Variants in PLXDC2 observed in about 807,000 individuals in gnomAD.
PLXDC2 encodes plexin domain-containing protein 2.
PLXDC2 carries 40 observed loss-of-function variants against 68.9 expected under a neutral mutation model. The observed-to-expected ratio is 0.58, with a 90% CI of 0.45 to 0.76. The LOEUF (loss-of-function observed/expected upper bound fraction) is 0.76, where lower values mean the gene tolerates loss of function less well. Ranked by LOEUF, PLXDC2 falls within the 30% of genes least tolerant of loss-of-function variation. The pLI, the probability that PLXDC2 is intolerant of heterozygous loss-of-function variation, is 0.00. For synonymous variants in PLXDC2, 243 were observed against 234.2 expected (o/e 1.04, Z -0.34); for missense variants, 644 against 661.9 (o/e 0.97, Z 0.30).
At chr10:19,877,376 C>T (rs1837651177) in intron 1 of PLXDC2, among the ~76,000 whole-genome samples, 1 of 152,148 alleles carries the variant, frequency 6.6e-6, no homozygotes, top group African/African-American at 2.4e-5. Context: ...TCTTCGCCCC[C>T]ATAACTCAGT....
intron 2 of PLXDC2, among the ~76,000 whole-genome samples, chr10:20,042,056 C>A (rs1835692800): frequency 1.3e-5 from 2 of 152,176 alleles, no homozygotes; most frequent in African/African-American, 4.8e-5. Flanking sequence ...TAACATTCAT[C>A]CCAGACATTT....
At chr10:19,860,160 T>A (rs1446148321) in intron 1 of PLXDC2, among the ~76,000 whole-genome samples, 1 of 152,162 alleles carries the variant, frequency 6.6e-6, no homozygotes, top group Admixed American at 6.5e-5. Flanking sequence ...CTCTCTTTTT[T>A]CCCCAAGGGG....
chr10:19,821,643 G>C (rs1049461345), intron 1 of PLXDC2, among the ~76,000 whole-genome samples: 1 of 152,186 alleles, frequency 6.6e-6, no homozygotes, highest in Admixed American at 6.5e-5. Flanking sequence ...AGTTCAAGCT[G>C]AATTATTAAT....
intron 4 of PLXDC2, among the ~76,000 whole-genome samples, chr10:20,118,693 A>G (rs1833654548): frequency 6.6e-6 from 1 of 152,228 alleles, no homozygotes; most frequent in Non-Finnish European, 1.5e-5. Context: ...CAGAAACTTC[A>G]GACAGGGAAG....
chr10:19,945,016 G>C (rs1833879163), intron 1 of PLXDC2, among the ~76,000 whole-genome samples: 1 of 152,194 alleles, frequency 6.6e-6, no homozygotes, highest in African/African-American at 2.4e-5. Flanking sequence ...CGTTTGCCTT[G>C]TTTGAAGCTG....
At chr10:20,227,060 A>G (rs1835296463) in intron 12 of PLXDC2, among the ~76,000 whole-genome samples, 1 of 152,162 alleles carries the variant, frequency 6.6e-6, no homozygotes, top group African/African-American at 2.4e-5. Flanking sequence ...TTATTGTAGT[A>G]GATGGCCCTA....
At chr10:20,014,431 T>TTTCCTTCC (rs1564657086) in intron 2 of PLXDC2, among the ~76,000 whole-genome samples, 4 of 90,416 alleles carry the variant, frequency 4.4e-5, no homozygotes, top group African/African-American at 1.6e-4. Context: ...TCCTTCCTTC[T>TTTCCTTCC]TTCCTTCCTT....
At chr10:19,909,447 G>T (rs1165184053) in intron 1 of PLXDC2, among the ~76,000 whole-genome samples, 3 of 152,178 alleles carry the variant, frequency 2.0e-5, no homozygotes, top group Non-Finnish European at 4.4e-5. Context: ...TTAAAAGCCA[G>T]CATATATTTC....
intron 9 of PLXDC2, among the ~76,000 whole-genome samples, chr10:20,199,353 A>G (rs2131846345): frequency 6.6e-6 from 1 of 152,168 alleles, no homozygotes; most frequent in South Asian, 2.1e-4. Context: ...GTAACAAAAA[A>G]GGCAAGGATG....
At chr10:19,923,308 GAAC>G (rs766622943) in intron 1 of PLXDC2, among the ~76,000 whole-genome samples, 7 of 152,078 alleles carry the variant, frequency 4.6e-5, no homozygotes, top group Admixed American at 1.3e-4. Flanking sequence ...CAAAAACAAA[GAAC>G]AACAACAAAA....
At chr10:20,043,977 A>G (rs1435482012) in intron 2 of PLXDC2, among the ~76,000 whole-genome samples, 1 of 152,060 alleles carries the variant, frequency 6.6e-6, no homozygotes, top group African/African-American at 2.4e-5. Context: ...CTTTTCGTTG[A>G]CCATAACCTA....
At chr10:19,859,380 C>T (rs1247012770) in intron 1 of PLXDC2, among the ~76,000 whole-genome samples, 1 of 152,210 alleles carries the variant, frequency 6.6e-6, no homozygotes, top group Admixed American at 6.5e-5. Context: ...GCTTTACATC[C>T]TTTCCTTGCT....
intron 1 of PLXDC2, among the ~76,000 whole-genome samples, chr10:19,884,600 A>G: frequency 6.6e-6 from 1 of 150,498 alleles, no homozygotes. Flanking sequence ...GAGAATATAC[A>G]GTGTTTGGTT....
intron 4 of PLXDC2, among the ~76,000 whole-genome samples, chr10:20,108,276 T>C (rs972704554): frequency 6.6e-6 from 1 of 152,148 alleles, no homozygotes; most frequent in Admixed American, 6.5e-5. Context: ...AAAAAAAGAT[T>C]GGATCCCTTC....
At position 20,288,364 on chromosome 10, in the gene PLXDC2, T is replaced by C. The variant is rs1266461392; in HGVS notation, c.*8545T>C. 2 of 152,044 alleles carry C rather than the reference T, an allele frequency of 1.3e-5. No individual in the cohort carries two copies. Among genetic ancestry groups the C allele is most frequent in the Non-Finnish European group, 2.9e-5 (2 of 68,030 alleles). The allele number at this position is 152,044 out of a possible 1,614,324, so 9.4% of individuals were successfully genotyped here. The stretch of plus-strand genomic sequence containing the variant: ...GGCATCATTCCTATTTCTTCTGCCA[T>C]GTCAAGGAGAAATTCCAAGCCTGCA... On this transcript the variant is annotated 3_prime_UTR_variant, in exon 14 of 14. Transcript: ENST00000377252.
At chr10:19,933,911 GAGAA>G (rs1227842815) in intron 1 of PLXDC2, among the ~76,000 whole-genome samples, 2 of 151,524 alleles carry the variant, frequency 1.3e-5, no homozygotes, top group Non-Finnish European at 2.9e-5. Flanking sequence ...AGAAAGGAAA[GAGAA>G]AGGAAGGAAG....
intron 6 of PLXDC2, among the ~76,000 whole-genome samples, chr10:20,158,662 C>T (rs1834250057): frequency 6.9e-6 from 1 of 144,606 alleles, no homozygotes; most frequent in African/African-American, 2.5e-5. Flanking sequence ...GACTCTGTCT[C>T]AAATAAATAA....
intron 4 of PLXDC2, among the ~76,000 whole-genome samples, chr10:20,125,958 TACA>T (rs1167701256): frequency 1.4e-5 from 2 of 146,390 alleles, no homozygotes; most frequent in African/African-American, 5.0e-5. Flanking sequence ...ATATAATATT[TACA>T]ATAATACATA....
intron 4 of PLXDC2, among the ~76,000 whole-genome samples, chr10:20,132,795 C>G (rs1346244438): frequency 6.6e-6 from 1 of 151,492 alleles, no homozygotes; most frequent in Non-Finnish European, 1.5e-5. Flanking sequence ...CATTCAACCA[C>G]TATATGTCTT....
Sources: allele counts gnomAD v4.1 joint callset (sites outside exome capture counted in the v4.1 genomes callset), GRCh38; gene constraint gnomAD v4.1.1; transcripts MANE v1.5; gene names NCBI Gene and HGNC (gene_info 2026-07-23, HGNC 2026-07-21).